NDRG3: variants seen among roughly 807,000 people sequenced by gnomAD.
The protein encoded by NDRG3 is protein NDRG3.
A neutral mutation model predicts 57.2 loss-of-function variants in NDRG3; 23 were observed. That is an observed-to-expected ratio of 0.40 (90% CI 0.29 to 0.57). The LOEUF (loss-of-function observed/expected upper bound fraction) is 0.57. NDRG3 is among the 20% of genes least tolerant of loss of function. The pLI is 0.42. For synonymous variants in NDRG3, 132 were observed against 162.6 expected, an observed-to-expected ratio of 0.81 and a Z score of 1.43; for missense variants, 384 against 457.3, an observed-to-expected ratio of 0.84 and a Z score of 1.46.
intron 1 of NDRG3, among the ~76,000 whole-genome samples, chr20:36,725,625 A>G (rs1001636778): frequency 2.0e-5 from 3 of 151,792 alleles, no homozygotes; most frequent in Non-Finnish European, 4.4e-5. Flanking sequence ...AAAAGAAAAA[A>G]AAGAAAATAC....
intron 9 of NDRG3, among the ~76,000 whole-genome samples, chr20:36,670,660 G>C (rs754156145): frequency 6.6e-6 from 1 of 152,172 alleles, no homozygotes; most frequent in Non-Finnish European, 1.5e-5. Context: ...ATAAATGCTA[G>C]TTTTCTTCCC....
chr20:36,726,917 T>TC (rs902063525), intron 1 of NDRG3, among the ~76,000 whole-genome samples: 1 of 150,752 alleles, frequency 6.6e-6, no homozygotes, highest in Non-Finnish European at 1.5e-5. Context: ...TTTCTTTCTT[T>TC]TTTTTTTTTT....
rs1978347031 is a variant in NDRG3 at position 36,653,072 on chromosome 20, T to C, written c.*448A>G. ...ACCCAACCTAGAAATCTGTTCTGCCTAATTCCCTTAAAAACACCATTGAGA... is the reference window on the plus strand; with the variant it reads ...ACCCAACCTAGAAATCTGTTCTGCCCAATTCCCTTAAAAACACCATTGAGA... On this transcript the variant is annotated 3_prime_UTR_variant, in exon 16 of 16. Transcript: ENST00000349004. The surrounding 1 kb of genome is among the most constrained non-coding windows in gnomAD (Gnocchi z 4.2). 6.5e-6 allele frequency: 1 copy of C among 153,750 alleles called. No homozygotes were observed. 9.5% of individuals were successfully genotyped at this position (153,750 alleles called of 1,614,324 possible). A position where few individuals can be genotyped will look rare whatever the true frequency, so the allele number is the denominator to read the frequency against.
At chr20:36,699,999 A>G (rs1325269073) in intron 3 of NDRG3, among the ~76,000 whole-genome samples, 1 of 151,718 alleles carries the variant, frequency 6.6e-6, no homozygotes, top group Non-Finnish European at 1.5e-5. Flanking sequence ...AAGCGCCTGT[A>G]ATCCCAGCTA....
rs570547612 is a variant in NDRG3, at chr20:36,728,781, A to G, written c.-48-6998T>C. On this transcript the variant is annotated intron_variant, in intron 1 of 15. Coordinates refer to ENST00000349004, the MANE Select transcript of NDRG3 (RefSeq NM_032013.4). ...CACTCTGTCGCCCAGGCTGGAGTGC[A>G]GTGGCTCAATCGCGGCTCACTGCAA... 1.3e-3 allele frequency among the ~76,000 whole-genome samples: 195 copies of G among 152,072 alleles called. 2 individuals carry two copies. Among genetic ancestry groups the G allele is most frequent in the Non-Finnish European group, 2.6e-4 (18 of 67,984 alleles).
In NDRG3 at chr20:36,682,624, C is replaced by T. The variant is rs370790251; in HGVS notation, c.384-46G>A. The stretch of plus-strand genomic sequence containing the variant: ...CAACTGACAGAGTCAACTTCATTTG[C>T]AGGCAGCATTGCATAATTGAAAGCA... On this transcript the variant is annotated intron_variant, in intron 6 of 15. Transcript: ENST00000349004. 43 of 1,513,912 alleles carry T rather than the reference C, an allele frequency of 2.8e-5. No homozygotes were observed. In the Middle Eastern group the frequency reaches 5.1e-4, roughly 18 times the overall value. The allele number at this position is 1,513,912 out of a possible 1,614,324, so 93.8% of individuals were successfully genotyped here.
At chr20:36,739,133 TCAAAAAAAAAAAAAA>T (rs1405120033) in intron 1 of NDRG3, among the ~76,000 whole-genome samples, 2 of 31,526 alleles carry the variant, frequency 6.3e-5, no homozygotes, top group Non-Finnish European at 1.1e-4. Context: ...AGACCCCATC[TCAAAAAAAAAAAAAA>T]AAAAAAAAAA....
intron 2 of NDRG3, among the ~76,000 whole-genome samples, chr20:36,715,006 G>GTGTATA (rs1984170473): frequency 3.7e-5 from 1 of 26,712 alleles, no homozygotes; most frequent in African/African-American, 1.3e-4. Flanking sequence ...GTGTGTGTGT[G>GTGTATA]TATATATATA....
At chr20:36,722,732 C>T (rs1027444002) in intron 1 of NDRG3, among the ~76,000 whole-genome samples, 1 of 152,144 alleles carries the variant, frequency 6.6e-6, no homozygotes, top group Non-Finnish European at 1.5e-5. Flanking sequence ...TCCAAGATGG[C>T]CTTCAACGAG....
At chr20:36,674,717 C>T (rs1489458831) in intron 8 of NDRG3, among the ~76,000 whole-genome samples, 2 of 151,230 alleles carry the variant, frequency 1.3e-5, no homozygotes, top group Non-Finnish European at 2.9e-5. Flanking sequence ...TTCCCTTCAG[C>T]CTCCCGAGTA....
chr20:36,676,237 T>C (rs921657362), intron 8 of NDRG3, among the ~76,000 whole-genome samples: 2 of 151,676 alleles, frequency 1.3e-5, no homozygotes, highest in African/African-American at 2.4e-5. Context: ...GAGATCCGTC[T>C]CAAAAAAAAA....
chr20:36,712,393 C>CTA (rs1983941155), intron 2 of NDRG3, among the ~76,000 whole-genome samples: 1 of 124,302 alleles, frequency 8.0e-6, no homozygotes, highest in South Asian at 2.5e-4. Context: ...TTTTCTTTTT[C>CTA]TTTTTTTTTT....
chr20:36,673,551 G>A (rs978768374), intron 8 of NDRG3, among the ~76,000 whole-genome samples: 11 of 152,104 alleles, frequency 7.2e-5, no homozygotes, highest in East Asian at 1.9e-4. Context: ...GAACACAGGC[G>A]TGCACCACCA....
At chr20:36,709,367 A>G (rs2044703599) in intron 2 of NDRG3, among the ~76,000 whole-genome samples, 1 of 152,212 alleles carries the variant, frequency 6.6e-6, no homozygotes, top group Non-Finnish European at 1.5e-5. Context: ...GCAGCCCCTG[A>G]CTTTCTAAAG....
At chr20:36,661,863 C>A (rs185146712) in intron 12 of NDRG3, among the ~76,000 whole-genome samples, 73 of 152,206 alleles carry the variant, frequency 4.8e-4, no homozygotes, top group African/African-American at 1.7e-3. Flanking sequence ...CTGGGGATTG[C>A]GGGTAGGCAG....
At position 36,688,764 on chromosome 20, in the gene NDRG3, A is replaced by G; in HGVS notation, c.114T>C (p.Thr38=). ...TTATAGTGACGTGGACCACACCATG[A>G]GTTGTTTCTATATCATGTTCCTGTA... is the stretch of plus-strand genomic sequence containing the variant. ...FDCQEHDIET[T]HGVVHVTIRG... The change falls in exon 4 of 16, where the codon ACT becomes ACC. Residue 38 remains threonine, a synonymous_variant. Transcript: ENST00000349004. 1 of 1,613,570 alleles carries G rather than the reference A, an allele frequency of 6.2e-7. No individual in the cohort carries two copies. Among genetic ancestry groups the G allele is most frequent in the Non-Finnish European group, 8.5e-7 (1 of 1,179,508 alleles).
intron 3 of NDRG3, among the ~76,000 whole-genome samples, chr20:36,692,918 TAAA>T (rs1274100984): frequency 6.7e-6 from 1 of 148,308 alleles, no homozygotes. Flanking sequence ...TACAAAAAAA[TAAA>T]AACATTAGCC....
Position 36,687,634 on chromosome 20 carries a change from T to A in NDRG3, c.200-22A>T, listed in dbSNP as rs565258538. 1.5e-5 allele frequency: 24 copies of A among 1,609,114 alleles called. No homozygotes were observed. In the African/African-American group the frequency reaches 2.9e-4, roughly 20 times the overall value. On this transcript the variant is annotated intron_variant, in intron 4 of 15. Coordinates refer to ENST00000349004, the MANE Select transcript of NDRG3 (RefSeq NM_032013.4). Reference sequence around the variant, plus strand: ...TTATCTATAAGAATAAAAATACCCATAAGTCACAGGCTCTCCATATCGCCC... The same window carrying A: ...TTATCTATAAGAATAAAAATACCCAAAAGTCACAGGCTCTCCATATCGCCC...
intron 1 of NDRG3, among the ~76,000 whole-genome samples, chr20:36,728,554 C>T (rs1045560005): frequency 1.3e-5 from 2 of 152,140 alleles, no homozygotes; most frequent in Non-Finnish European, 2.9e-5. Context: ...GTGGGCATCT[C>T]CCTTGAACAT....
Sources: gnomAD v4.1 joint callset for allele counts (sites outside exome capture counted in the v4.1 genomes callset) on GRCh38, gnomAD v4.1.1 for gene constraint, Gnocchi (gnomAD v3.1) non-coding constraint, MANE v1.5 for transcripts, NCBI Gene and HGNC (gene_info 2026-07-23, HGNC 2026-07-21) for gene names.